Variants in TECRL observed in about 807,000 individuals in gnomAD.
The protein encoded by TECRL is trans-2,3-enoyl-CoA reductase-like.
TECRL carries 63 observed loss-of-function variants against 52.8 expected under a neutral mutation model. The ratio of observed to expected loss-of-function variants is 1.19; its 90% CI spans 0.97 to 1.47. TECRL has a LOEUF of 1.47. TECRL is among the 40% of genes most tolerant of loss of function. TECRL has a pLI of 0.00. For missense variants in TECRL, 482 were observed against 429.6 expected (o/e 1.12, Z -1.08); for synonymous variants, 164 against 141.9 (o/e 1.16, Z -1.10).
chr4:64,298,682 GA>G (rs1308290529), intron 8 of TECRL, among the ~76,000 whole-genome samples: 5 of 150,880 alleles, frequency 3.3e-5, no homozygotes, highest in Admixed American at 6.6e-5. Context: ...TAATTACACA[GA>G]AAAAAATTAT....
intron 1 of TECRL, among the ~76,000 whole-genome samples, chr4:64,380,031 T>C (rs1379740372): frequency 6.6e-6 from 1 of 152,118 alleles, no homozygotes; most frequent in Non-Finnish European, 1.5e-5. Flanking sequence ...TATAAGAATT[T>C]CCTTTGATCT....
intron 9 of TECRL, among the ~76,000 whole-genome samples, chr4:64,283,563 G>A (rs892455009): frequency 6.6e-6 from 1 of 151,932 alleles, no homozygotes; most frequent in South Asian, 2.1e-4. Flanking sequence ...GGACTGAATG[G>A]CTCAACAAAC....
Position 64,277,875 on chromosome 4 carries a change from T to A in TECRL, c.*2197A>T, listed in dbSNP as rs1161820007. On this transcript the variant is annotated 3_prime_UTR_variant, in exon 12 of 12. Coordinates refer to ENST00000381210, the MANE Select transcript of TECRL (RefSeq NM_001010874.5). ...CATCTCTTTGTGAAGTATATATGCA[T>A]GCTCACATAGAAACTCATACACACA... is the stretch of plus-strand genomic sequence containing the variant. 1 of 151,734 alleles carries A rather than the reference T, an allele frequency of 6.6e-6. No individual in the cohort carries two copies. Among genetic ancestry groups the A allele is most frequent in the Non-Finnish European group, 1.5e-5 (1 of 67,740 alleles). The allele number at this position is 151,734 out of a possible 1,614,324, so 9.4% of individuals were successfully genotyped here.
rs1309019628 is a variant in TECRL, at chr4:64,409,329, A to C, written c.23T>G (p.Leu8Arg). 1 of 1,613,584 alleles carries C rather than the reference A, an allele frequency of 6.2e-7. No individual in the cohort carries two copies. The highest frequency in any genetic ancestry group is 8.5e-7 in the Non-Finnish European group (1 of 1,179,664). MFKRHKS[L>R]ASERKRALLS... The stretch of plus-strand genomic sequence containing the variant: ...TAATGCTCTCTTGCGTTCCGAAGCG[A>C]GGGACTTGTGCCTTTTGAACATTGT... The change falls in exon 1 of 12, where the codon CTC becomes CGC. Residue 8 changes from leucine to arginine, a missense_variant. By Grantham distance (102) the Leu-to-Arg change is moderately radical. Coordinates refer to ENST00000381210, the MANE Select transcript of TECRL (RefSeq NM_001010874.5).
At chr4:64,370,425 G>T (rs940752316) in intron 2 of TECRL, among the ~76,000 whole-genome samples, 1 of 151,836 alleles carries the variant, frequency 6.6e-6, no homozygotes, top group African/African-American at 2.4e-5. Context: ...ATTTCTCAGA[G>T]ACATTTAGAT....
In TECRL at chr4:64,368,451, A is replaced by AC. The variant is rs397977497; in HGVS notation, c.286+6720dup. On this transcript the variant is annotated intron_variant, in intron 2 of 11. Coordinates refer to ENST00000381210, the MANE Select transcript of TECRL (RefSeq NM_001010874.5). ...GCTGGGATTACAGGCGCACGCCACC[A>AC]CACCCAGCTAATTTTTGTATTTTTA... Among the ~76,000 whole-genome samples the AC allele has an allele frequency of 2.7e-4, 41 of 150,234 alleles. 1 individual carries two copies. Among genetic ancestry groups the AC allele is most frequent in the African/African-American group, 1.0e-3 (41 of 41,078 alleles).
downstream of TECRL, chr4:64,277,137 G>T: frequency 1.1e-6 from 1 of 886,456 alleles, no homozygotes; most frequent in Non-Finnish European, 1.7e-6. Flanking sequence ...CCAACAGTAA[G>T]GGAATAACTG....
chr4:64,324,658 A>G (rs771561875), intron 3 of TECRL, among the ~76,000 whole-genome samples: 1 of 152,102 alleles, frequency 6.6e-6, no homozygotes, highest in African/African-American at 2.4e-5. Flanking sequence ...ACAGCCAGAT[A>G]ATTTAGGTGG....
chr4:64,356,067 G>A (rs562519166), intron 2 of TECRL, among the ~76,000 whole-genome samples: 1 of 152,196 alleles, frequency 6.6e-6, no homozygotes, highest in East Asian at 1.9e-4. Flanking sequence ...GGGATCTAGG[G>A]CTGTGCAGGA....
At chr4:64,369,939 T>C (rs1721870125) in intron 2 of TECRL, among the ~76,000 whole-genome samples, 1 of 151,818 alleles carries the variant, frequency 6.6e-6, no homozygotes, top group Admixed American at 6.6e-5. Flanking sequence ...TTAACTATAA[T>C]ATTTAAATTA....
intron 1 of TECRL, among the ~76,000 whole-genome samples, chr4:64,387,536 G>A (rs185301842): frequency 1.3e-5 from 2 of 152,216 alleles, no homozygotes; most frequent in East Asian, 1.9e-4. Flanking sequence ...AGCAATGAAT[G>A]AGAGTTCCTG....
At chr4:64,336,237 T>A (rs1299079846) in intron 2 of TECRL, among the ~76,000 whole-genome samples, 1 of 152,032 alleles carries the variant, frequency 6.6e-6, no homozygotes, top group African/African-American at 2.4e-5. Context: ...TGGTTTAGTC[T>A]TGAGAGGGTG....
Position 64,309,816 on chromosome 4 carries a change from G to A in TECRL, c.657+10C>T, listed in dbSNP as rs778157023. ...TCTCAATCATTATTAAAAACACAAA[G>A]CATCCTCACCATTATCAAATTTTTC... On this transcript the variant is annotated intron_variant, in intron 6 of 11. Transcript: ENST00000381210. 6 of 1,522,250 alleles carry A rather than the reference G, an allele frequency of 3.9e-6. No individual in the cohort carries two copies. In the East Asian group the frequency reaches 9.0e-5, roughly 23 times the overall value. 94.3% of individuals were successfully genotyped at this position (1,522,250 alleles called of 1,614,324 possible).
intron 1 of TECRL, among the ~76,000 whole-genome samples, chr4:64,383,347 G>T (rs1226568423): frequency 6.6e-6 from 1 of 151,972 alleles, no homozygotes; most frequent in Non-Finnish European, 1.5e-5. Context: ...TCATTAGGTG[G>T]AGTTTCTATG....
At chr4:64,291,443 G>A (rs935139552) in intron 8 of TECRL, among the ~76,000 whole-genome samples, 6 of 151,632 alleles carry the variant, frequency 4.0e-5, no homozygotes, top group African/African-American at 1.2e-4. Flanking sequence ...TGTCATATTC[G>A]TTTTCCATCA....
At chr4:64,324,512 A>T (rs553165805) in intron 3 of TECRL, among the ~76,000 whole-genome samples, 1 of 152,144 alleles carries the variant, frequency 6.6e-6, no homozygotes, top group East Asian at 1.9e-4. Context: ...GTTAATTTGC[A>T]TCTACCATTA....
chr4:64,350,011 T>A (rs1294120963), intron 2 of TECRL, among the ~76,000 whole-genome samples: 1 of 152,228 alleles, frequency 6.6e-6, no homozygotes, highest in South Asian at 2.1e-4. Context: ...TATTTAATGA[T>A]TCATGTTTAA....
At chr4:64,359,931 G>A (rs372180614) in intron 2 of TECRL, among the ~76,000 whole-genome samples, 8 of 152,116 alleles carry the variant, frequency 5.3e-5, no homozygotes, top group Admixed American at 2.6e-4. Flanking sequence ...TTTTATTGAC[G>A]CACAAAGAAA....
chr4:64,358,876 T>G (rs1391637295), intron 2 of TECRL, among the ~76,000 whole-genome samples: 2 of 151,834 alleles, frequency 1.3e-5, no homozygotes, highest in Non-Finnish European at 3.0e-5. Flanking sequence ...GGAATCTAAG[T>G]AACTTTGAAT....
Sources: allele counts gnomAD v4.1 joint callset (sites outside exome capture counted in the v4.1 genomes callset), GRCh38; gene constraint gnomAD v4.1.1; transcripts MANE v1.5; gene names NCBI Gene and HGNC (gene_info 2026-07-23, HGNC 2026-07-21).